The following MAGI2 variants were observed in gnomAD, a reference collection of about 807,000 sequenced individuals.
MAGI2 encodes the protein membrane associated guanylate kinase, WW and PDZ domain containing 2.
Under a neutral mutation model 133.3 loss-of-function variants are expected in MAGI2, and 35 were observed. The ratio of observed to expected loss-of-function variants is 0.26; its 90% CI spans 0.20 to 0.35. The LOEUF (loss-of-function observed/expected upper bound fraction) is 0.35. Among genes scored for constraint, MAGI2 ranks in the 10% least tolerant of loss-of-function variants. MAGI2 has a pLI of 1.00. For missense variants in MAGI2, 1,636 were observed against 1,863.4 expected, an observed-to-expected ratio of 0.88 and a Z score of 2.25; for synonymous variants, 729 against 710.6, an observed-to-expected ratio of 1.03 and a Z score of -0.41.
chr7:78,847,737 G>C (rs145468699), intron 2 of MAGI2, among the ~76,000 whole-genome samples: 1 of 151,836 alleles, frequency 6.6e-6, no homozygotes, highest in Admixed American at 6.6e-5. Context: ...ATCTAAAATG[G>C]CACCCTGTGT....
At chr7:78,951,265 C>G (rs565261822) in intron 2 of MAGI2, among the ~76,000 whole-genome samples, 167 of 152,252 alleles carry the variant, frequency 1.1e-3, no homozygotes, top group African/African-American at 3.7e-3. Flanking sequence ...AGCTGCCACA[C>G]CCGGCTGATG....
At chr7:78,384,989 C>T (rs1322887965) in intron 6 of MAGI2, among the ~76,000 whole-genome samples, 1 of 152,136 alleles carries the variant, frequency 6.6e-6, no homozygotes, top group African/African-American at 2.4e-5. Context: ...ATTTTACATG[C>T]TGCTAAATGG....
intron 1 of MAGI2, among the ~76,000 whole-genome samples, chr7:79,265,768 C>T (rs752881014): frequency 2.0e-5 from 3 of 152,046 alleles, no homozygotes; most frequent in African/African-American, 7.2e-5. Context: ...TGGGGGAAGG[C>T]AGGCGCTAAG....
intron 20 of MAGI2, among the ~76,000 whole-genome samples, chr7:78,111,351 T>G (rs1819342462): frequency 6.6e-6 from 1 of 152,218 alleles, no homozygotes. Context: ...CTCCTCACAC[T>G]TCTAATGTAT....
intron 1 of MAGI2, among the ~76,000 whole-genome samples, chr7:79,272,999 A>C (rs986150931): frequency 1.3e-5 from 2 of 152,202 alleles, no homozygotes; most frequent in Non-Finnish European, 1.5e-5. Flanking sequence ...TCTCTATTAA[A>C]GTTCTTTTTC....
intron 2 of MAGI2, among the ~76,000 whole-genome samples, chr7:78,812,308 A>G (rs1056342714): frequency 1.6e-4 from 24 of 152,240 alleles, no homozygotes; most frequent in Admixed American, 1.3e-3. Flanking sequence ...AAAAATTTAA[A>G]AAAAGAATAT....
At chr7:78,351,223 T>A (rs1023293523) in intron 7 of MAGI2, among the ~76,000 whole-genome samples, 17 of 152,038 alleles carry the variant, frequency 1.1e-4, no homozygotes, top group Non-Finnish European at 2.2e-4. Flanking sequence ...ATACGCATTG[T>A]GGGCAGGGAA....
intron 2 of MAGI2, among the ~76,000 whole-genome samples, chr7:78,944,707 CTATTTATT>C (rs56177719): frequency 3.8e-3 from 554 of 147,574 alleles, no homozygotes; most frequent in Admixed American, 9.8e-3. Context: ...AAATAGACTA[CTATTTATT>C]TATTTATTTA....
chr7:78,512,078 G>A (rs953723705), intron 4 of MAGI2, among the ~76,000 whole-genome samples: 5 of 151,470 alleles, frequency 3.3e-5, no homozygotes, highest in Admixed American at 6.6e-5. Context: ...AGCGGAGATC[G>A]TGCCACTGCA....
At chr7:79,344,110 A>G (rs569268855) in intron 1 of MAGI2, among the ~76,000 whole-genome samples, 13 of 152,178 alleles carry the variant, frequency 8.5e-5, no homozygotes, top group African/African-American at 2.9e-4. Flanking sequence ...ACCCCCAACT[A>G]TATGTGCGAT....
chr7:78,599,533 A>G (rs1437419323), intron 3 of MAGI2, among the ~76,000 whole-genome samples: 1 of 152,214 alleles, frequency 6.6e-6, no homozygotes, highest in Non-Finnish European at 1.5e-5. Flanking sequence ...TCGGATTAAC[A>G]GAAAATTTTT....
intron 1 of MAGI2, among the ~76,000 whole-genome samples, chr7:79,314,422 T>G (rs1838545787): frequency 6.6e-6 from 1 of 152,202 alleles, no homozygotes; most frequent in Non-Finnish European, 1.5e-5. Context: ...TTATTTTACT[T>G]TAAAGAGAAG....
rs187696425 is a variant in MAGI2, at chr7:78,318,238, C to T, written c.1408+25540G>A. On this transcript the variant is annotated intron_variant, in intron 9 of 21. Transcript: ENST00000354212. Reference sequence around the variant, plus strand: ...CTAAGAACCTTGAAAAAAGGTTAGACGAATCGCTAACTAGAATAACCAGTT... The same window carrying T: ...CTAAGAACCTTGAAAAAAGGTTAGATGAATCGCTAACTAGAATAACCAGTT... Among the ~76,000 whole-genome samples the T allele has an allele frequency of 1.7e-3, 260 of 152,220 alleles. 4 individuals carry two copies. The highest frequency in any genetic ancestry group is 6.8e-3 in the Middle Eastern group (2 of 294).
intron 2 of MAGI2, among the ~76,000 whole-genome samples, chr7:78,644,930 G>A (rs1476958898): frequency 1.3e-5 from 2 of 152,120 alleles, no homozygotes; most frequent in African/African-American, 4.8e-5. Flanking sequence ...AATGAAAGAT[G>A]TAAGTTCATT....
At chr7:78,095,641 C>A (rs926198074) in intron 20 of MAGI2, among the ~76,000 whole-genome samples, 26 of 152,280 alleles carry the variant, frequency 1.7e-4, no homozygotes, top group African/African-American at 5.8e-4. Flanking sequence ...AGGAGGAGAA[C>A]AGGGCATATA....
At chr7:78,806,387 T>C (rs1221059921) in intron 2 of MAGI2, among the ~76,000 whole-genome samples, 2 of 152,180 alleles carry the variant, frequency 1.3e-5, no homozygotes, top group Non-Finnish European at 2.9e-5. Flanking sequence ...AAGTGTTCAA[T>C]TAATATCAGC....
At chr7:78,252,962 A>T (rs1160251189) in intron 10 of MAGI2, 12 of 59,428 alleles carry the variant, frequency 2.0e-4, no homozygotes, top group African/African-American at 9.1e-4. Context: ...AAAAAAAAAC[A>T]ATGGGCAGCT....
chr7:78,448,830 T>G (rs1209611484), intron 6 of MAGI2, among the ~76,000 whole-genome samples: 1 of 152,058 alleles, frequency 6.6e-6, no homozygotes. Flanking sequence ...GTGTGTATCA[T>G]TAAAACTCAA....
intron 16 of MAGI2, among the ~76,000 whole-genome samples, chr7:78,158,633 T>G (rs541126137): frequency 1.3e-5 from 2 of 152,350 alleles, no homozygotes; most frequent in South Asian, 4.1e-4. Context: ...TCGTCCTTGT[T>G]CATTCCTGGG....
Sources: allele counts gnomAD v4.1 joint callset (sites outside exome capture counted in the v4.1 genomes callset), GRCh38; gene constraint gnomAD v4.1.1; transcripts MANE v1.5; gene names NCBI Gene and HGNC (gene_info 2026-07-23, HGNC 2026-07-21).